CDH18: variants seen among roughly 807,000 people sequenced by gnomAD.
The protein encoded by CDH18 is cadherin-18.
A neutral mutation model predicts 67.9 loss-of-function variants in CDH18; 31 were observed. That is an observed-to-expected ratio of 0.46 (90% confidence interval 0.34 to 0.62). The LOEUF is 0.62. Ranked by LOEUF, CDH18 falls within the 20% of genes least tolerant of loss-of-function variation. CDH18 has a pLI of 0.01. For missense variants in CDH18, 890 were observed against 975.5 expected (o/e 0.91, Z 1.17); for synonymous variants, 362 against 347.2 (o/e 1.04, Z -0.48).
intron 2 of CDH18, among the ~76,000 whole-genome samples, chr5:19,845,891 T>C (rs556443258): frequency 6.6e-6 from 1 of 152,044 alleles, no homozygotes; most frequent in Non-Finnish European, 1.5e-5. Flanking sequence ...TCTCAACTGA[T>C]TTGTGTCCAG....
At chr5:19,593,707 C>CCTCCTCCTCCTCCTCCTCCTTCTTCTT in intron 6 of CDH18, among the ~76,000 whole-genome samples, 8 of 33,364 alleles carry the variant, frequency 2.4e-4, no homozygotes, top group African/African-American at 8.2e-4. Flanking sequence ...TCCTCCTCCT[C>CCTCCTCCTCCTCCTCCTCCTTCTTCTT]CTTCTTCTTC....
intron 2 of CDH18, among the ~76,000 whole-genome samples, chr5:19,871,495 A>G (rs1245990757): frequency 6.6e-6 from 1 of 152,168 alleles, no homozygotes; most frequent in Non-Finnish European, 1.5e-5. Context: ...TTGAATGCAG[A>G]CTCCAGAGAA....
chr5:19,922,749 T>C (rs1433992832), intron 2 of CDH18, among the ~76,000 whole-genome samples: 1 of 152,174 alleles, frequency 6.6e-6, no homozygotes, highest in Non-Finnish European at 1.5e-5. Context: ...CATTTATTTT[T>C]CCATTATTCT....
chr5:20,543,476 C>G (rs1757167849), intron 1 of CDH18, among the ~76,000 whole-genome samples: 1 of 152,014 alleles, frequency 6.6e-6, no homozygotes, highest in Non-Finnish European at 1.5e-5. Context: ...CACTCCTTCT[C>G]TGCTGTCATG....
At chr5:20,115,072 T>C (rs1159785850) in intron 2 of CDH18, among the ~76,000 whole-genome samples, 2 of 152,006 alleles carry the variant, frequency 1.3e-5, no homozygotes, top group African/African-American at 4.8e-5. Context: ...AAAATTTATT[T>C]CTTACAGTTC....
intron 9 of CDH18, among the ~76,000 whole-genome samples, chr5:19,521,811 T>C (rs548871383): frequency 3.9e-5 from 6 of 152,198 alleles, no homozygotes; most frequent in African/African-American, 1.4e-4. Flanking sequence ...GAAAAAAATT[T>C]GTCCCAGATT....
chr5:20,329,768 C>CAAAAAAAAAA (rs60246535), intron 1 of CDH18, among the ~76,000 whole-genome samples: 2 of 62,566 alleles, frequency 3.2e-5, no homozygotes, highest in African/African-American at 6.2e-5. Flanking sequence ...GAAACTCCAT[C>CAAAAAAAAAA]AAAAAAAAAA....
chr5:20,376,675 C>A (rs546902434), intron 1 of CDH18, among the ~76,000 whole-genome samples: 92 of 151,888 alleles, frequency 6.1e-4, no homozygotes, highest in African/African-American at 2.1e-3. Flanking sequence ...TGTTCCTAAA[C>A]GGTCTCCTTT....
intron 3 of CDH18, among the ~76,000 whole-genome samples, chr5:19,788,283 TA>T (rs562250667): frequency 5.1e-4 from 77 of 152,324 alleles, no homozygotes; most frequent in African/African-American, 1.7e-3. Context: ...ATGATGGAGA[TA>T]ACTTGAAACA....
intron 1 of CDH18, among the ~76,000 whole-genome samples, chr5:20,544,839 T>C (rs1490718090): frequency 6.6e-6 from 1 of 152,146 alleles, no homozygotes; most frequent in Non-Finnish European, 1.5e-5. Flanking sequence ...TTCCCAACAG[T>C]CACCCAAAGA....
chr5:19,936,257 T>C (rs1683404026), intron 2 of CDH18, among the ~76,000 whole-genome samples: 1 of 151,276 alleles, frequency 6.6e-6, no homozygotes, highest in Non-Finnish European at 1.5e-5. Flanking sequence ...AACAGCCTGT[T>C]TTTGTTTTAG....
intron 10 of CDH18, among the ~76,000 whole-genome samples, chr5:19,514,007 C>A (rs561155172): frequency 6.6e-6 from 1 of 152,196 alleles, no homozygotes; most frequent in South Asian, 2.1e-4. Context: ...TTCTCCCACC[C>A]CATGACAGGC....
intron 2 of CDH18, among the ~76,000 whole-genome samples, chr5:20,215,978 A>G (rs1740736475): frequency 6.6e-6 from 1 of 151,918 alleles, no homozygotes; most frequent in African/African-American, 2.4e-5. Context: ...TTATCAAAAG[A>G]TGAAGGGTGG....
intron 1 of CDH18, among the ~76,000 whole-genome samples, chr5:20,467,331 T>C (rs564440742): frequency 9.0e-6 from 1 of 111,502 alleles, no homozygotes; most frequent in Non-Finnish European, 2.1e-5. Context: ...ACTCATTTAC[T>C]CAAGTTTAAG....
intron 2 of CDH18, among the ~76,000 whole-genome samples, chr5:19,877,829 G>T (rs1447153314): frequency 6.6e-6 from 1 of 152,128 alleles, no homozygotes; most frequent in African/African-American, 2.4e-5. Context: ...CTTCACTTAA[G>T]ATCTGGGAAA....
At chr5:19,946,780 A>G (rs1217911800) in intron 2 of CDH18, among the ~76,000 whole-genome samples, 4 of 152,148 alleles carry the variant, frequency 2.6e-5, no homozygotes, top group Non-Finnish European at 5.9e-5. Flanking sequence ...CCAGAAAAGG[A>G]TAGTACAAAG....
At position 19,627,333 on chromosome 5, in the gene CDH18, C is replaced by T. The variant is rs930309833; in HGVS notation, c.644-14732G>A. 6.6e-5 allele frequency among the ~76,000 whole-genome samples: 10 copies of T among 152,226 alleles called. No individual in the cohort carries two copies. The South Asian group carries it at 1.4e-3, about 22-fold the overall frequency. ...TATTGATGAACAAGTGAAATTGAGA[C>T]GAACATCATTTATCTACACATTTAC... On this transcript the variant is annotated intron_variant, in intron 5 of 12. Transcript: ENST00000382275.
Position 19,929,592 on chromosome 5 carries a change from A to G in CDH18, c.-257+51468T>C, listed in dbSNP as rs1793457910. Among the ~76,000 whole-genome samples the G allele has an allele frequency of 3.9e-5, 6 of 152,228 alleles. No homozygotes were observed. The South Asian group carries it at 1.2e-3, about 32-fold the overall frequency. On this transcript the variant is annotated intron_variant, in intron 2 of 12. Coordinates refer to ENST00000382275, the MANE Select transcript of CDH18 (RefSeq NM_004934.5). ...GTCAAACAATTTTTAATTTTGATGT[A>G]CATGTGTTATGCCTCCCTAATAATA...
intron 2 of CDH18, among the ~76,000 whole-genome samples, chr5:19,892,948 G>A (rs1788933388): frequency 6.6e-6 from 1 of 152,152 alleles, no homozygotes; most frequent in Admixed American, 6.6e-5. Flanking sequence ...GGAGTAATTT[G>A]TTATGCAGTG....
Sources: allele counts gnomAD v4.1 joint callset (sites outside exome capture counted in the v4.1 genomes callset), GRCh38; gene constraint gnomAD v4.1.1; transcripts MANE v1.5; gene names NCBI Gene and HGNC (gene_info 2026-07-23, HGNC 2026-07-21).